Variants in NRG1 observed in about 807,000 individuals in gnomAD.
NRG1 encodes neuregulin 1.
A neutral mutation model predicts 63.8 loss-of-function variants in NRG1; 18 were observed. The observed-to-expected ratio is 0.28, with a 90% CI of 0.19 to 0.42. The LOEUF is 0.42. Among genes scored for constraint, NRG1 ranks in the 10% least tolerant of loss-of-function variants. NRG1 has a pLI of 1.00. For missense variants in NRG1, 762 were observed against 814.7 expected, an observed-to-expected ratio of 0.94 and a Z score of 0.79; for synonymous variants, 302 against 301.3, an observed-to-expected ratio of 1.00 and a Z score of -0.02.
chr8:32,652,073 T>C (rs967444955), intron 5 of NRG1, among the ~76,000 whole-genome samples: 2 of 152,176 alleles, frequency 1.3e-5, no homozygotes, highest in African/African-American at 4.8e-5. Flanking sequence ...AAAATGTCTC[T>C]GTCTCTGAGA....
chr8:32,411,107 C>T (rs2129485436), intron 1 of NRG1, among the ~76,000 whole-genome samples: 1 of 152,216 alleles, frequency 6.6e-6, no homozygotes, highest in African/African-American at 2.4e-5. Context: ...ATCTGGTGAC[C>T]TCTTGATCTG....
At chr8:31,928,352 T>TAAAAAAAAA (rs77001238) in intron 1 of NRG1, among the ~76,000 whole-genome samples, 4 of 80,116 alleles carry the variant, frequency 5.0e-5, no homozygotes, top group African/African-American at 2.0e-4. Flanking sequence ...ATGGATGTGG[T>TAAAAAAAAA]AAAAAAAAAA....
intron 1 of NRG1, among the ~76,000 whole-genome samples, chr8:32,372,934 G>A (rs1809110949): frequency 6.6e-6 from 1 of 152,316 alleles, no homozygotes; most frequent in Non-Finnish European, 1.5e-5. Flanking sequence ...AGCATGTGTC[G>A]ATGCTGGATC....
chr8:31,789,987 T>C (rs1044443988), intron 1 of NRG1, among the ~76,000 whole-genome samples: 1 of 152,190 alleles, frequency 6.6e-6, no homozygotes, highest in African/African-American at 2.4e-5. Context: ...CAAGGAAGCA[T>C]ATCCAATAAT....
intron 1 of NRG1, among the ~76,000 whole-genome samples, chr8:31,901,387 T>C (rs1832067227): frequency 6.6e-6 from 1 of 152,178 alleles, no homozygotes; most frequent in Admixed American, 6.5e-5. Context: ...CCAAACTATG[T>C]TGGAAAGTTA....
chr8:32,233,708 G>A (rs1418753531), intron 1 of NRG1, among the ~76,000 whole-genome samples: 1 of 151,584 alleles, frequency 6.6e-6, no homozygotes, highest in African/African-American at 2.4e-5. Flanking sequence ...GGGACTACAG[G>A]CATGAGCCAA....
chr8:32,089,627 T>A (rs768530977), intron 1 of NRG1, among the ~76,000 whole-genome samples: 1 of 152,182 alleles, frequency 6.6e-6, no homozygotes, highest in Non-Finnish European at 1.5e-5. Context: ...CTTTCAGCAA[T>A]ATGGCACTGT....
chr8:31,709,589 T>C lies in NRG1; in HGVS notation c.37+70158T>C, dbSNP rs141203315. On this transcript the variant is annotated intron_variant, in intron 1 of 10. Transcript: ENST00000519301. ...CTAGAAAACTTCCAAGGCCAGAGGT[T>C]TCAGAGTATTAATAATTGGCACATT... 1.1e-4 allele frequency among the ~76,000 whole-genome samples: 17 copies of C among 152,204 alleles called. No homozygotes were observed. The East Asian group carries it at 3.3e-3, about 29-fold the overall frequency.
intron 1 of NRG1, among the ~76,000 whole-genome samples, chr8:31,921,920 TA>T (rs879428245): frequency 2.0e-5 from 3 of 152,222 alleles, no homozygotes; most frequent in East Asian, 3.9e-4. Context: ...TTTCTTAATT[TA>T]AAAAATTTTT....
At chr8:32,412,812 G>A (rs1815298816) in intron 1 of NRG1, among the ~76,000 whole-genome samples, 2 of 152,008 alleles carry the variant, frequency 1.3e-5, no homozygotes, top group Admixed American at 1.3e-4. Context: ...ATAATCTTAT[G>A]GGACCAGTTG....
intron 1 of NRG1, among the ~76,000 whole-genome samples, chr8:32,234,520 G>C (rs1478561520): frequency 6.6e-6 from 1 of 152,164 alleles, no homozygotes; most frequent in Non-Finnish European, 1.5e-5. Context: ...GATAATGGTA[G>C]ACTTAGATTA....
chr8:31,914,486 C>G (rs984992008), intron 1 of NRG1, among the ~76,000 whole-genome samples: 3 of 151,574 alleles, frequency 2.0e-5, no homozygotes, highest in Non-Finnish European at 2.9e-5. Context: ...TTGGAAGTCA[C>G]TAGATATAGC....
At chr8:32,219,752 G>A (rs1202238401) in intron 1 of NRG1, among the ~76,000 whole-genome samples, 1 of 152,182 alleles carries the variant, frequency 6.6e-6, no homozygotes, top group South Asian at 2.1e-4. Context: ...CGTGTTGAAT[G>A]CAGTGGTTAG....
intron 1 of NRG1, among the ~76,000 whole-genome samples, chr8:32,555,535 C>A (rs972431929): frequency 3.3e-5 from 5 of 152,186 alleles, no homozygotes. Context: ...GCAGTGGTGC[C>A]ATCTCGACTC....
At chr8:32,165,097 G>A (rs948072236) in intron 1 of NRG1, among the ~76,000 whole-genome samples, 2 of 151,912 alleles carry the variant, frequency 1.3e-5, no homozygotes, top group African/African-American at 2.4e-5. Context: ...TAGTGAGAGA[G>A]GGAAGTTGGA....
At chr8:32,041,433 G>T (rs577187480) in intron 1 of NRG1, among the ~76,000 whole-genome samples, 2 of 152,318 alleles carry the variant, frequency 1.3e-5, no homozygotes, top group African/African-American at 4.8e-5. Context: ...ACTCTGAAAA[G>T]TGAATTGTAG....
chr8:32,205,553 T>C (rs1286919630), intron 1 of NRG1, among the ~76,000 whole-genome samples: 1 of 152,172 alleles, frequency 6.6e-6, no homozygotes, highest in Non-Finnish European at 1.5e-5. Context: ...ACGACCTCTC[T>C]GGCATTGTGA....
chr8:32,175,371 T>C (rs567592893), intron 1 of NRG1, among the ~76,000 whole-genome samples: 21 of 152,270 alleles, frequency 1.4e-4, no homozygotes, highest in African/African-American at 4.8e-4. Context: ...CCATAGCCAA[T>C]ATCATACTGA....
chr8:32,548,287 A>G (rs1042780222), exon 1 of NRG1: 2 of 987,684 alleles, frequency 2.0e-6, no homozygotes, highest in African/African-American at 3.5e-5. Context: ...GGCAATTGAA[A>G]AAGAGCCGGC....
Sources: gnomAD v4.1 joint callset for allele counts (sites outside exome capture counted in the v4.1 genomes callset) on GRCh38, gnomAD v4.1.1 for gene constraint, MANE v1.5 for transcripts, NCBI Gene and HGNC (gene_info 2026-07-23, HGNC 2026-07-21) for gene names.